The following MACROD2 variants were observed in gnomAD, a reference collection of about 807,000 sequenced individuals.
MACROD2 encodes ADP-ribose glycohydrolase MACROD2.
A neutral mutation model predicts 70.4 loss-of-function variants in MACROD2; 36 were observed. The ratio of observed to expected loss-of-function variants is 0.51; its 90% confidence interval spans 0.39 to 0.68. MACROD2 has a LOEUF of 0.68. Among genes scored for constraint, MACROD2 ranks in the 30% least tolerant of loss-of-function variants. The pLI, the probability that MACROD2 is intolerant of heterozygous loss-of-function variation, is 0.00. For missense variants in MACROD2, 496 were observed against 538.4 expected, an observed-to-expected ratio of 0.92 and a Z score of 0.78; for synonymous variants, 172 against 178.8, an observed-to-expected ratio of 0.96 and a Z score of 0.30.
intron 7 of MACROD2, among the ~76,000 whole-genome samples, chr20:15,488,929 T>A (rs547867848): frequency 1.3e-5 from 2 of 152,318 alleles, no homozygotes; most frequent in East Asian, 3.9e-4. Context: ...ATTTCTCCAG[T>A]CATTATTATA....
chr20:14,296,708 T>C (rs569274025), intron 3 of MACROD2, among the ~76,000 whole-genome samples: 4 of 152,152 alleles, frequency 2.6e-5, no homozygotes, highest in African/African-American at 9.7e-5. Context: ...AGATTGTAAT[T>C]ACAAAGCAGT....
At chr20:15,004,969 G>C (rs182351891) in intron 5 of MACROD2, among the ~76,000 whole-genome samples, 115 of 152,264 alleles carry the variant, frequency 7.6e-4, no homozygotes, top group African/African-American at 2.7e-3. Flanking sequence ...GGCGAGTAAG[G>C]AGGAAGTTAA....
chr20:15,800,176 A>C (rs1452566378), intron 8 of MACROD2, among the ~76,000 whole-genome samples: 1 of 152,108 alleles, frequency 6.6e-6, no homozygotes, highest in Non-Finnish European at 1.5e-5. Context: ...TTCTTTGTAT[A>C]TTCTGGGTAT....
chr20:14,161,191 C>CTTTT (rs376789442), intron 3 of MACROD2, among the ~76,000 whole-genome samples: 1 of 136,932 alleles, frequency 7.3e-6, no homozygotes, highest in African/African-American at 2.7e-5. Context: ...TTTTCTTTTT[C>CTTTT]TTTTTTTTTT....
intron 3 of MACROD2, among the ~76,000 whole-genome samples, chr20:14,435,499 T>C (rs1329996301): frequency 2.6e-5 from 4 of 152,144 alleles, no homozygotes; most frequent in African/African-American, 9.7e-5. Context: ...AGGTATGATA[T>C]AATATTCTCG....
chr20:14,325,819 C>T, intron 3 of MACROD2: 1 of 1,613,916 alleles, frequency 6.2e-7, no homozygotes, highest in African/African-American at 1.3e-5. Context: ...GCTATATGCA[C>T]AGTTCCTTGA....
At chr20:15,874,482 A>G (rs957549737) in intron 9 of MACROD2, among the ~76,000 whole-genome samples, 4 of 152,088 alleles carry the variant, frequency 2.6e-5, no homozygotes, top group Admixed American at 2.6e-4. Context: ...TCCTTGAGGA[A>G]TCGCCACACT....
At chr20:15,899,017 T>A (rs561730307) in intron 10 of MACROD2, among the ~76,000 whole-genome samples, 1 of 151,806 alleles carries the variant, frequency 6.6e-6, no homozygotes, top group South Asian at 2.1e-4. Context: ...TGCTATCTAT[T>A]GTATGTATGT....
chr20:14,732,585 A>G (rs1461198266), intron 5 of MACROD2, among the ~76,000 whole-genome samples: 1 of 152,184 alleles, frequency 6.6e-6, no homozygotes, highest in African/African-American at 2.4e-5. Context: ...GAATTTTACC[A>G]GAAATTAAAG....
intron 8 of MACROD2, among the ~76,000 whole-genome samples, chr20:15,703,757 C>A (rs1004483727): frequency 5.9e-5 from 9 of 152,124 alleles, no homozygotes; most frequent in Non-Finnish European, 4.4e-5. Context: ...TCTACAGGAT[C>A]CTCATACAGT....
intron 7 of MACROD2, among the ~76,000 whole-genome samples, chr20:15,482,552 C>T (rs2047112101): frequency 6.6e-6 from 1 of 152,144 alleles, no homozygotes; most frequent in African/African-American, 2.4e-5. Context: ...TCTAACCCTT[C>T]AAAGGGGGTA....
chr20:14,401,554 C>G (rs934879222), intron 3 of MACROD2, among the ~76,000 whole-genome samples: 1 of 152,212 alleles, frequency 6.6e-6, no homozygotes, highest in East Asian at 1.9e-4. Context: ...CTTATTTCTT[C>G]TTGGGTGTTA....
chr20:15,021,278 GCACACC>G lies in MACROD2; in HGVS notation c.419-208661_419-208656del, dbSNP rs1568535129. 6.2e-4 allele frequency among the ~76,000 whole-genome samples: 53 copies of G among 85,974 alleles called. 7 individuals are homozygous for G. Among genetic ancestry groups the G allele is most frequent in the African/African-American group, 7.7e-4 (17 of 22,130 alleles). 56.4% of individuals were successfully genotyped at this position (85,974 alleles called of 152,430 possible). A position where few individuals can be genotyped will look rare whatever the true frequency, so the allele number is the denominator to read the frequency against. On this transcript the variant is annotated intron_variant, in intron 5 of 17. Transcript: ENST00000684519. ...TACACACACCTGTGTGTGTGTATAC[GCACACC>G]TGTGTGTGTGTATATGCACATATAC...
At chr20:14,389,014 A>G (rs563860499) in intron 3 of MACROD2, among the ~76,000 whole-genome samples, 12 of 151,974 alleles carry the variant, frequency 7.9e-5, no homozygotes, top group African/African-American at 2.2e-4. Context: ...AGTAGCTAGG[A>G]TTACAGGCAC....
intron 3 of MACROD2, among the ~76,000 whole-genome samples, chr20:14,230,669 CTA>C (rs71190120): frequency 0.17 from 15,674 of 92,698 alleles, 2,795 homozygotes; most frequent in East Asian, 0.42. Flanking sequence ...CAGGCTGGGC[CTA>C]TATATATATA....
At chr20:14,196,134 C>T (rs574684240) in intron 3 of MACROD2, among the ~76,000 whole-genome samples, 5 of 152,264 alleles carry the variant, frequency 3.3e-5, no homozygotes, top group East Asian at 3.9e-4. Context: ...AAATGAGCCA[C>T]ACCCCCATCA....
intron 8 of MACROD2, among the ~76,000 whole-genome samples, chr20:15,787,130 C>T (rs2051943340): frequency 6.6e-6 from 1 of 151,986 alleles, no homozygotes; most frequent in Admixed American, 6.6e-5. Context: ...CGCCACCAAG[C>T]CTGGCTCATT....
intron 13 of MACROD2, among the ~76,000 whole-genome samples, chr20:15,970,581 G>A (rs1040551695): frequency 6.6e-6 from 1 of 152,068 alleles, no homozygotes; most frequent in Non-Finnish European, 1.5e-5. Flanking sequence ...GTACAGAGAG[G>A]AGGAACCCAG....
chr20:15,219,512 T>C (rs967608590), intron 5 of MACROD2, among the ~76,000 whole-genome samples: 1 of 152,260 alleles, frequency 6.6e-6, no homozygotes, highest in South Asian at 2.1e-4. Flanking sequence ...TGTAAAATAA[T>C]GTAACTTCAC....
Sources: allele counts gnomAD v4.1 joint callset (sites outside exome capture counted in the v4.1 genomes callset), GRCh38; gene constraint gnomAD v4.1.1; transcripts MANE v1.5; gene names NCBI Gene and HGNC (gene_info 2026-07-23, HGNC 2026-07-21).